Variants in DOCK5 observed in about 807,000 individuals in gnomAD.
DOCK5 encodes the protein dedicator of cytokinesis 5, also known as dedicator of cytokinesis protein 5.
Under a neutral mutation model 251.8 loss-of-function variants are expected in DOCK5, and 142 were observed. The ratio of observed to expected loss-of-function variants is 0.56; its 90% CI spans 0.49 to 0.65. The LOEUF is 0.65. DOCK5 is among the 30% of genes least tolerant of loss of function. The pLI is 0.00. For synonymous variants in DOCK5, 842 were observed against 835.5 expected (o/e 1.01, Z -0.13); for missense variants, 2,111 against 2,312.3 (o/e 0.91, Z 1.79).
rs570494287 is a variant in DOCK5, at chr8:25,372,659, A to G, written c.3625A>G (p.Thr1209Ala). 2 of 1,611,148 alleles carry G rather than the reference A, an allele frequency of 1.2e-6. No individual in the cohort carries two copies. Among genetic ancestry groups the G allele is most frequent in the East Asian group, 2.2e-5 (1 of 44,718 alleles). The change falls in exon 35 of 52, where the codon ACC becomes GCC. Residue 1209 changes from threonine (T) to alanine (A), a missense_variant. By Grantham distance (58) the Thr-to-Ala change is moderately conservative (BLOSUM62 0). Coordinates refer to ENST00000276440, the MANE Select transcript of DOCK5 (RefSeq NM_024940.8). ...SLLENLLDYRTIIMQDESKEN... is the reference protein window; with the variant it reads ...SLLENLLDYRAIIMQDESKEN... ...CTTAGAGAACCTGCTGGACTATAGA[A>G]CCATCATCATGCAAGATGAGAGCAA...
chr8:25,403,633 C>T lies in DOCK5; in HGVS notation c.5002C>T (p.Arg1668Trp), dbSNP rs766466638. The T allele has an allele frequency of 1.7e-5, 27 of 1,613,862 alleles. No individual in the cohort carries two copies. The highest frequency in any genetic ancestry group is 8.3e-5 in the Admixed American group (5 of 60,004). ...VLPYIMSSTL[R>W]RLSITSVTSS... ...CCCCTACATCATGTCTTCCACTCTG[C>T]GGAGGTTGTCCATCACCTCAGTCAC... The change falls in exon 48 of 52, where the codon CGG becomes TGG. Residue 1668 changes from arginine to tryptophan, a missense_variant. By Grantham distance (101) the Arg-to-Trp change is moderately radical. Transcript: ENST00000276440.
chr8:25,322,515 T>C (rs957701735), intron 16 of DOCK5, among the ~76,000 whole-genome samples: 6 of 152,210 alleles, frequency 3.9e-5, no homozygotes, highest in African/African-American at 1.4e-4. Flanking sequence ...TGGCATTTTT[T>C]AGGTCTAAAT....
At position 25,190,775 on chromosome 8, in the gene DOCK5, GGTTTTTTT is replaced by G. The variant is rs1330332994; in HGVS notation, c.43+5825_43+5832del. ...AAGGCCTGGCCTTAACTTGGTCATG[GGTTTTTTT>G]TTTTTTTTTTTTTTTTTTGAGACGG... On this transcript the variant is annotated intron_variant, in intron 1 of 51. Coordinates refer to ENST00000276440, the MANE Select transcript of DOCK5 (RefSeq NM_024940.8). Among the ~76,000 whole-genome samples the G allele has an allele frequency of 5.6e-4, 30 of 53,982 alleles. No homozygotes were observed. In the East Asian group the frequency reaches 8.5e-3, roughly 15 times the overall value. The allele number at this position is 53,982 out of a possible 152,430, so 35.4% of individuals were successfully genotyped here.
At chr8:25,253,385 G>T (rs919057458) in intron 2 of DOCK5, among the ~76,000 whole-genome samples, 1 of 152,166 alleles carries the variant, frequency 6.6e-6, no homozygotes, top group African/African-American at 2.4e-5. Context: ...ACAGATCTTG[G>T]TTGGATCAAG....
chr8:25,222,031 C>A (rs1304096037), intron 1 of DOCK5, among the ~76,000 whole-genome samples: 1 of 152,118 alleles, frequency 6.6e-6, no homozygotes, highest in South Asian at 2.1e-4. Flanking sequence ...GTCAGCCCTG[C>A]GAGTTAAGAG....
At chr8:25,316,117 A>G (rs1458161288) in intron 13 of DOCK5, among the ~76,000 whole-genome samples, 4 of 152,212 alleles carry the variant, frequency 2.6e-5, no homozygotes, top group African/African-American at 9.6e-5. Flanking sequence ...GCTGGGTAAC[A>G]AAAAAGAAAA....
chr8:25,254,799 A>AAAAAAAAC (rs1563326284), intron 2 of DOCK5, among the ~76,000 whole-genome samples: 1 of 147,820 alleles, frequency 6.8e-6, no homozygotes, highest in Non-Finnish European at 1.5e-5. Flanking sequence ...AAAACAAAAA[A>AAAAAAAAC]AAAAAACATT....
intron 26 of DOCK5, among the ~76,000 whole-genome samples, chr8:25,348,501 C>G (rs1800408649): frequency 6.6e-6 from 1 of 152,194 alleles, no homozygotes; most frequent in African/African-American, 2.4e-5. Context: ...CACCCTACCC[C>G]CAGGAGCCCA....
At chr8:25,228,129 G>C (rs1362777550) in intron 1 of DOCK5, among the ~76,000 whole-genome samples, 10 of 152,082 alleles carry the variant, frequency 6.6e-5, no homozygotes, top group African/African-American at 7.2e-5. Context: ...TGCCTGCCTT[G>C]GCCTCCCAAA....
intron 22 of DOCK5, among the ~76,000 whole-genome samples, chr8:25,338,263 A>C (rs1805864336): frequency 6.7e-6 from 1 of 149,344 alleles, no homozygotes; most frequent in Admixed American, 6.7e-5. Flanking sequence ...CTGGTCTCAA[A>C]CTCCTGGGCT....
intron 1 of DOCK5, among the ~76,000 whole-genome samples, chr8:25,205,785 T>C (rs1801986742): frequency 6.6e-6 from 1 of 152,168 alleles, no homozygotes; most frequent in Non-Finnish European, 1.5e-5. Flanking sequence ...TGCAAATAAA[T>C]GCTGTGTTCA....
chr8:25,308,867 A>G lies in DOCK5; in HGVS notation c.1134A>G (p.Pro378=), dbSNP rs1340066363. The G allele has an allele frequency of 6.2e-7, 1 of 1,613,868 alleles. No homozygotes were observed. The highest frequency in any genetic ancestry group is 2.2e-5 in the East Asian group (1 of 44,864). Residue 378 remains proline, a synonymous_variant, in exon 12 of 52, where the codon CCA becomes CCG. Transcript: ENST00000276440. ...ITSHVIGENE[P]LTSVLNKVIA... ...CACACGTGATTGGGGAGAATGAGCC[A>G]CTCACTTCAGTCTTGAATAAAGTGA... is the stretch of plus-strand genomic sequence containing the variant.
intron 46 of DOCK5, among the ~76,000 whole-genome samples, chr8:25,400,372 C>G (rs1045114364): frequency 4.0e-5 from 6 of 151,840 alleles, no homozygotes; most frequent in Admixed American, 3.9e-4. Flanking sequence ...GTGGTGCATG[C>G]TTGTAATCCC....
chr8:25,297,400 G>A (rs1166164464), intron 7 of DOCK5, among the ~76,000 whole-genome samples: 1 of 152,132 alleles, frequency 6.6e-6, no homozygotes, highest in African/African-American at 2.4e-5. Context: ...TGGGATTACA[G>A]GCGCCCACCA....
At chr8:25,274,869 G>A (rs1804002780) in intron 3 of DOCK5, among the ~76,000 whole-genome samples, 1 of 152,066 alleles carries the variant, frequency 6.6e-6, no homozygotes, top group African/African-American at 2.4e-5. Context: ...CTGTGTAAAA[G>A]TATATGCGGG....
intron 6 of DOCK5, among the ~76,000 whole-genome samples, chr8:25,295,503 A>G (rs1037261937): frequency 6.6e-6 from 1 of 152,220 alleles, no homozygotes; most frequent in Non-Finnish European, 1.5e-5. Flanking sequence ...AATGTTAGCA[A>G]GTATTCAAGC....
intron 5 of DOCK5, among the ~76,000 whole-genome samples, chr8:25,280,602 A>G (rs1261404589): frequency 9.9e-5 from 15 of 152,174 alleles, no homozygotes; most frequent in Admixed American, 7.2e-4. Flanking sequence ...AAACATAGCA[A>G]TCTATAACGT....
At chr8:25,263,502 A>G (rs1803647335) in intron 2 of DOCK5, among the ~76,000 whole-genome samples, 1 of 151,872 alleles carries the variant, frequency 6.6e-6, no homozygotes, top group African/African-American at 2.4e-5. Context: ...ATTCTATAAT[A>G]GTAAGAAACC....
intron 27 of DOCK5, among the ~76,000 whole-genome samples, chr8:25,357,458 G>A (rs963704710): frequency 1.3e-4 from 18 of 142,824 alleles, no homozygotes; most frequent in African/African-American, 3.7e-4. Flanking sequence ...GGCTCACTGC[G>A]TCTCTGCCTC....
Sources: allele counts gnomAD v4.1 joint callset (sites outside exome capture counted in the v4.1 genomes callset), GRCh38; gene constraint gnomAD v4.1.1; transcripts MANE v1.5; gene names NCBI Gene and HGNC (gene_info 2026-07-23, HGNC 2026-07-21).